The following CCDC88C variants were observed in gnomAD, a reference collection of about 807,000 sequenced individuals.
CCDC88C encodes coiled-coil and HOOK domain protein 88C.
Under a neutral mutation model 198.8 loss-of-function variants are expected in CCDC88C, and 131 were observed. The ratio of observed to expected loss-of-function variants is 0.66; its 90% CI spans 0.57 to 0.76. CCDC88C has a LOEUF of 0.76. Among genes scored for constraint, CCDC88C ranks in the 30% least tolerant of loss-of-function variants. The pLI is 0.00. For missense variants in CCDC88C, 2,553 were observed against 2,631.6 expected, an observed-to-expected ratio of 0.97 and a Z score of 0.65; for synonymous variants, 1,166 against 1,114.7, an observed-to-expected ratio of 1.05 and a Z score of -0.92.
Position 91,324,192 on chromosome 14 carries a change from A to G in CCDC88C, c.1342+587T>C, listed in dbSNP as rs111982731. On this transcript the variant is annotated intron_variant, in intron 12 of 29. Transcript: ENST00000389857. ...TGCGGCCCCGCCCACGCTTCCCATGACCGACACCTCCTCTCGGGGCGCGGG... is the reference window on the plus strand; with the variant it reads ...TGCGGCCCCGCCCACGCTTCCCATGGCCGACACCTCCTCTCGGGGCGCGGG... 8.6e-3 allele frequency among the ~76,000 whole-genome samples: 1,307 copies of G among 152,256 alleles called. 15 individuals are homozygous for G. The highest frequency in any genetic ancestry group is 0.03 in the African/African-American group (1,226 of 41,548).
intron 20 of CCDC88C, among the ~76,000 whole-genome samples, chr14:91,303,099 T>A (rs1414775509): frequency 6.6e-6 from 1 of 152,154 alleles, no homozygotes; most frequent in Non-Finnish European, 1.5e-5. Context: ...GCCAAGAGAT[T>A]TCCTGCAGGG....
At chr14:91,391,391 T>G (rs1885496702) in intron 3 of CCDC88C, among the ~76,000 whole-genome samples, 1 of 152,188 alleles carries the variant, frequency 6.6e-6, no homozygotes, top group Non-Finnish European at 1.5e-5. Flanking sequence ...TGTGCAACCA[T>G]CCCCACCATC....
chr14:91,405,571 T>C (rs1055477769), intron 3 of CCDC88C, among the ~76,000 whole-genome samples: 2 of 152,122 alleles, frequency 1.3e-5, no homozygotes, highest in African/African-American at 4.8e-5. Flanking sequence ...GATACGCAAT[T>C]GTATATATGG....
Position 91,272,914 on chromosome 14 carries a change from G to A in CCDC88C, c.5798C>T (p.Ala1933Val). The A allele has an allele frequency of 6.3e-7, 1 of 1,575,328 alleles. No homozygotes were observed. Residue 1933 changes from alanine to valine, a missense_variant, in exon 30 of 30, where the codon GCA (alanine) becomes GTA (valine). Coordinates refer to ENST00000389857, the MANE Select transcript of CCDC88C (RefSeq NM_001080414.4). ...NSQLLHFSPAAAPAARTKPKA... is the reference protein window; with the variant it reads ...NSQLLHFSPAVAPAARTKPKA... ...GGGCTTGGTCCTGGCAGCCGGGGCT[G>A]CAGCAGGTGAGAAGTGCAGGAGCTG... is the stretch of plus-strand genomic sequence containing the variant.
At chr14:91,363,934 G>A (rs575255173) in intron 3 of CCDC88C, among the ~76,000 whole-genome samples, 1 of 152,382 alleles carries the variant, frequency 6.6e-6, no homozygotes, top group Admixed American at 6.5e-5. Context: ...CTTGGAGGCT[G>A]CAGCTGATGC....
At chr14:91,402,207 T>C (rs747197071) in intron 3 of CCDC88C, among the ~76,000 whole-genome samples, 1 of 151,312 alleles carries the variant, frequency 6.6e-6, no homozygotes, top group African/African-American at 2.4e-5. Flanking sequence ...GCCTGAGAGG[T>C]TGAGACTGCA....
At chr14:91,317,092 T>C (rs1200763996) in intron 13 of CCDC88C, among the ~76,000 whole-genome samples, 1 of 152,238 alleles carries the variant, frequency 6.6e-6, no homozygotes, top group East Asian at 1.9e-4. Context: ...CCTCTTCCTC[T>C]AAAAATAAGG....
Position 91,339,496 on chromosome 14 carries a change from C to A in CCDC88C, c.625-34G>T, listed in dbSNP as rs761069635. 1.3e-6 allele frequency: 2 copies of A among 1,577,912 alleles called. No homozygotes were observed. Among genetic ancestry groups the A allele is most frequent in the Non-Finnish European group, 1.7e-6 (2 of 1,157,192 alleles). Reference sequence around the variant, plus strand: ...GGGCAGAGAGGGGGATGGAGGAGAACAAACGGGGTTAACCAGCACAACGCC... The same window carrying A: ...GGGCAGAGAGGGGGATGGAGGAGAAAAAACGGGGTTAACCAGCACAACGCC... On this transcript the variant is annotated intron_variant, in intron 7 of 29. Transcript: ENST00000389857. This position sits in a 1 kb window ranked among gnomAD's most constrained non-coding sequence, Gnocchi z 5.8.
At chr14:91,372,805 A>T (rs1211326520) in intron 3 of CCDC88C, among the ~76,000 whole-genome samples, 1 of 152,096 alleles carries the variant, frequency 6.6e-6, no homozygotes, top group African/African-American at 2.4e-5. Flanking sequence ...AAGCCCTGCC[A>T]GGTGGCCAGA....
intron 26 of CCDC88C, among the ~76,000 whole-genome samples, chr14:91,282,186 A>G (rs1890226638): frequency 6.6e-6 from 1 of 152,090 alleles, no homozygotes; most frequent in Non-Finnish European, 1.5e-5. Context: ...CCTGCAACAG[A>G]TATCTGGAGT....
intron 4 of CCDC88C, among the ~76,000 whole-genome samples, chr14:91,348,282 A>G (rs984099574): frequency 2.0e-5 from 3 of 148,962 alleles, no homozygotes; most frequent in Non-Finnish European, 3.0e-5. Context: ...CTGGGATTAC[A>G]GGTGTGAGCC....
At chr14:91,323,991 G>T (rs1892466661) in intron 12 of CCDC88C, among the ~76,000 whole-genome samples, 1 of 150,874 alleles carries the variant, frequency 6.6e-6, no homozygotes, top group Admixed American at 6.6e-5. Context: ...ATGTCTATCA[G>T]AATTTTTTAA....
At chr14:91,347,248 A>G (rs1893583581) in intron 4 of CCDC88C, among the ~76,000 whole-genome samples, 1 of 152,242 alleles carries the variant, frequency 6.6e-6, no homozygotes, top group Non-Finnish European at 1.5e-5. Context: ...TATGTACTCT[A>G]TTCGCAGCAA....
At chr14:91,294,144 G>T in intron 23 of CCDC88C, 29 bp downstream of exon 23, 2 of 1,612,064 alleles carry the variant, frequency 1.2e-6, no homozygotes, top group South Asian at 1.1e-5. Flanking sequence ...GTGAGGGTGC[G>T]GAGAGGGGTT....
chr14:91,417,109 C>T, intron 1 of CCDC88C: 1 of 702,938 alleles, frequency 1.4e-6, no homozygotes, highest in East Asian at 2.7e-5. Flanking sequence ...ATAAAAAGGA[C>T]TTTTCAATAA....
intron 13 of CCDC88C, among the ~76,000 whole-genome samples, chr14:91,317,729 CAG>C (rs981680461): frequency 2.6e-5 from 4 of 152,218 alleles, no homozygotes; most frequent in African/African-American, 9.6e-5. Context: ...CCCCCACGAC[CAG>C]AGAGTGTGTG....
At chr14:91,293,520 G>GCCACAGCTCACCT (rs1567055665) in intron 23 of CCDC88C, among the ~76,000 whole-genome samples, 576 of 6,844 alleles carry the variant, frequency 0.084, 179 homozygotes, top group Middle Eastern at 0.12. Context: ...CTACCTTCCT[G>GCCACAGCTCACCT]TCCCCTCACC....
In CCDC88C at chr14:91,298,264, C is replaced by T. The variant is rs188566565; in HGVS notation, c.3780-773G>A. On this transcript the variant is annotated intron_variant, in intron 21 of 29. Coordinates refer to ENST00000389857, the MANE Select transcript of CCDC88C (RefSeq NM_001080414.4). ...CTAGGCGACATAGTGAGACCCCCAT[C>T]TCTGCAAAAAGTAGAAAAAAGTTGC... Among the ~76,000 whole-genome samples, 5 of 152,228 alleles carry T rather than the reference C, an allele frequency of 3.3e-5. No homozygotes were observed. In the East Asian group the frequency reaches 9.7e-4, roughly 29 times the overall value.
intron 20 of CCDC88C, among the ~76,000 whole-genome samples, chr14:91,302,668 G>C (rs1228393906): frequency 1.3e-5 from 2 of 152,184 alleles, no homozygotes; most frequent in Non-Finnish European, 2.9e-5. Context: ...CATGAAATGA[G>C]AACAGCAGGA....
Sources: allele counts gnomAD v4.1 joint callset (sites outside exome capture counted in the v4.1 genomes callset), GRCh38; gene constraint gnomAD v4.1.1; non-coding constraint Gnocchi (gnomAD v3.1); transcripts MANE v1.5; gene names NCBI Gene and HGNC (gene_info 2026-07-23, HGNC 2026-07-21).